RGS3: variants seen among roughly 807,000 people sequenced by gnomAD.
RGS3 encodes the protein regulator of G-protein signalling 3.
In RGS3, 80 loss-of-function variants were observed where a neutral mutation model predicts 132.6. That is an observed-to-expected ratio of 0.60 (90% CI 0.50 to 0.73). The LOEUF (loss-of-function observed/expected upper bound fraction) is 0.73. Ranked by LOEUF, RGS3 falls within the 30% of genes least tolerant of loss-of-function variation. RGS3 has a pLI of 0.00. For missense variants in RGS3, 1,382 were observed against 1,530.8 expected, an observed-to-expected ratio of 0.90 and a Z score of 1.62; for synonymous variants, 598 against 620.6, an observed-to-expected ratio of 0.96 and a Z score of 0.54.
chr9:113,559,565 T>A (rs58449392), intron 19 of RGS3, among the ~76,000 whole-genome samples: 4,827 of 152,250 alleles, frequency 0.032, 174 homozygotes, highest in East Asian at 0.12. Context: ...TTGGGAATCA[T>A]CCATTGCGGT....
At chr9:113,497,513 T>A in intron 9 of RGS3, 109 bp downstream of exon 7, 1 of 893,612 alleles carries the variant, frequency 1.1e-6, no homozygotes, top group Non-Finnish European at 1.7e-6. Context: ...CTGAGAATGC[T>A]ATCAGCCTGC....
chr9:113,466,030 G>T (rs568665200), intron 3 of RGS3, among the ~76,000 whole-genome samples: 7 of 152,316 alleles, frequency 4.6e-5, no homozygotes, highest in Admixed American at 2.6e-4. Flanking sequence ...TCAGAAGCAT[G>T]TGGGGAGCCT....
At chr9:113,508,040 A>T (rs902936295) in intron 13 of RGS3, among the ~76,000 whole-genome samples, 2 of 152,182 alleles carry the variant, frequency 1.3e-5, no homozygotes, top group African/African-American at 4.8e-5. Context: ...TAGTCCCATG[A>T]GATGCTCTGG....
chr9:113,580,050 G>A (rs1051953417), intron 19 of RGS3, among the ~76,000 whole-genome samples: 2 of 152,028 alleles, frequency 1.3e-5, no homozygotes, highest in Admixed American at 1.3e-4. Context: ...CGGAGCTCCC[G>A]TCAAACCACT....
intron 1 of RGS3, among the ~76,000 whole-genome samples, chr9:113,446,673 C>T (rs1017823213): frequency 2.0e-5 from 3 of 152,174 alleles, no homozygotes; most frequent in Admixed American, 2.0e-4. Flanking sequence ...ATGGTTACAA[C>T]CTCAGGTGGC....
intron 19 of RGS3, chr9:113,564,913 G>T (rs1467414205): frequency 4.5e-5 from 45 of 996,578 alleles, no homozygotes; most frequent in Non-Finnish European, 5.1e-5. Flanking sequence ...CGGGGTGGGG[G>T]TGTGACAGGG....
intron 14 of RGS3, among the ~76,000 whole-genome samples, chr9:113,514,099 T>C (rs1026997155): frequency 1.3e-5 from 2 of 152,172 alleles, no homozygotes; most frequent in Non-Finnish European, 2.9e-5. Flanking sequence ...ATTTTTCAAA[T>C]ATGAGCGATT....
At chr9:113,522,897 G>A in intron 16 of RGS3, 33 bp from the exon 15 acceptor site, 1 of 1,434,160 alleles carries the variant, frequency 7.0e-7, no homozygotes, top group Non-Finnish European at 9.8e-7. Context: ...GGACAGCAAA[G>A]TAGCCAGTTC....
intron 10 of RGS3, among the ~76,000 whole-genome samples, chr9:113,502,908 AG>A (rs1488531969): frequency 6.6e-6 from 1 of 152,260 alleles, no homozygotes; most frequent in African/African-American, 2.4e-5. Flanking sequence ...TCAGTAAAAT[AG>A]GATAATGAAA....
In RGS3 at chr9:113,565,441, G is replaced by C. The variant is rs1376532733; in HGVS notation, c.2038-18009G>C. On this transcript the variant is annotated intron_variant, in intron 19 of 24. Transcript: ENST00000350696. This position sits in a 1 kb window ranked among gnomAD's most constrained non-coding sequence, Gnocchi z 5.7. ...GGAGGAGGAAGAGGAGGAGGGACGG[G>C]TGATGCAAGGGTTTTGAAAGCGCTA... 1 of 1,222,228 alleles carries C rather than the reference G, an allele frequency of 8.2e-7. No individual in the cohort carries two copies. The highest frequency in any genetic ancestry group is 5.7e-5 in the East Asian group (1 of 17,676). The allele number at this position is 1,222,228 out of a possible 1,614,324, so 75.7% of individuals were successfully genotyped here. A position where few individuals can be genotyped will look rare whatever the true frequency, so the allele number is the denominator to read the frequency against.
intron 19 of RGS3, among the ~76,000 whole-genome samples, chr9:113,551,987 T>A (rs1370294137): frequency 1.3e-5 from 2 of 152,220 alleles, no homozygotes; most frequent in Non-Finnish European, 2.9e-5. Context: ...TTATAGCCAT[T>A]CTAGTGGGAG....
intron 3 of RGS3, among the ~76,000 whole-genome samples, chr9:113,475,092 C>T (rs867923196): frequency 5.9e-5 from 9 of 152,182 alleles, no homozygotes; most frequent in Non-Finnish European, 1.3e-4. Flanking sequence ...TTGCCTTTTC[C>T]AGGCTTTCTG....
At chr9:113,583,405 G>A (rs753405083) in intron 19 of RGS3, 45 bp from the exon 18 acceptor site, 4 of 1,598,728 alleles carry the variant, frequency 2.5e-6, no homozygotes, top group Middle Eastern at 1.7e-4. Context: ...TGGCATCTTG[G>A]AGCCTCCTCT....
chr9:113,517,591 G>C, exon 16 of RGS3: 1 of 1,613,682 alleles, frequency 6.2e-7, no homozygotes, highest in South Asian at 1.1e-5. Flanking sequence ...CAGAGGAGCT[G>C]CTGCTGTATG....
At chr9:113,485,523 A>G (rs1193068374) in intron 6 of RGS3, 102 bp from the exon 5 acceptor site, 7 of 761,816 alleles carry the variant, frequency 9.2e-6, no homozygotes, top group Non-Finnish European at 1.6e-5. Flanking sequence ...CCAGCTGTTG[A>G]CGTTACTTCC....
At chr9:113,499,963 C>A (rs2119290223) in intron 10 of RGS3, among the ~76,000 whole-genome samples, 1 of 152,340 alleles carries the variant, frequency 6.6e-6, no homozygotes, top group East Asian at 1.9e-4. Flanking sequence ...TTCCTCCTCT[C>A]TTTCTACTTG....
At chr9:113,529,099 C>T in intron 17 of RGS3, 122 bp from the exon 16 acceptor site, 1 of 776,118 alleles carries the variant, frequency 1.3e-6, no homozygotes, top group South Asian at 1.5e-5. Flanking sequence ...ATGCCTGCCT[C>T]TCTCTTTTCC....
intron 19 of RGS3, among the ~76,000 whole-genome samples, chr9:113,556,045 T>C (rs886586505): frequency 5.3e-5 from 8 of 152,160 alleles, no homozygotes; most frequent in African/African-American, 1.9e-4. Context: ...TGAGTCATAG[T>C]TTGCTTGAGT....
At chr9:113,596,727 CCAGCAGGCAGCCCT>C (rs1339001674) in intron 24 of RGS3, 27 bp from the exon 23 acceptor site, 1 of 1,557,592 alleles carries the variant, frequency 6.4e-7, no homozygotes, top group East Asian at 2.2e-5. Context: ...GGGTCAGTCC[CCAGCAGGCAGCCCT>C]GACCATGTCC....
Sources: gnomAD v4.1 joint callset for allele counts (sites outside exome capture counted in the v4.1 genomes callset) on GRCh38, gnomAD v4.1.1 for gene constraint, Gnocchi (gnomAD v3.1) non-coding constraint, MANE v1.5 for transcripts, NCBI Gene and HGNC (gene_info 2026-07-23, HGNC 2026-07-21) for gene names.